Variants in PTPRD observed in about 807,000 individuals in gnomAD.
The protein encoded by PTPRD is receptor-type tyrosine-protein phosphatase delta.
Under a neutral mutation model 214.5 loss-of-function variants are expected in PTPRD, and 34 were observed. The ratio of observed to expected loss-of-function variants is 0.16; its 90% CI spans 0.12 to 0.21. The LOEUF (loss-of-function observed/expected upper bound fraction) is 0.21, where lower values mean the gene tolerates loss of function less well. PTPRD is among the 10% of genes least tolerant of loss of function. The pLI, the probability that PTPRD is intolerant of heterozygous loss-of-function variation, is 1.00. For synonymous variants in PTPRD, 1,128 were observed against 845.7 expected, an observed-to-expected ratio of 1.33 and a Z score of -5.79; for missense variants, 2,545 against 2,398.7, an observed-to-expected ratio of 1.06 and a Z score of -1.27.
chr9:9,055,335 G>C (rs971500189), intron 10 of PTPRD, among the ~76,000 whole-genome samples: 2 of 152,152 alleles, frequency 1.3e-5, no homozygotes, highest in African/African-American at 4.8e-5. Context: ...GTGAGGTAAT[G>C]AATATGTTAA....
chr9:8,521,169 A>G, intron 20 of PTPRD, 108 bp downstream of exon 20: 2 of 1,289,030 alleles, frequency 1.6e-6, no homozygotes, highest in Non-Finnish European at 2.1e-6. Context: ...CACATTTAAA[A>G]TGCTGAATAA....
intron 24 of PTPRD, 123 bp downstream of exon 24, chr9:8,500,630 TA>T: frequency 6.0e-6 from 2 of 335,188 alleles, no homozygotes; most frequent in Non-Finnish European, 8.3e-6. Context: ...GCAAAAATAC[TA>T]AAGTAACAGC....
intron 2 of PTPRD, among the ~76,000 whole-genome samples, chr9:10,528,744 T>C (rs2055136778): frequency 6.6e-6 from 1 of 152,178 alleles, no homozygotes; most frequent in Non-Finnish European, 1.5e-5. Flanking sequence ...CTGAAGGCAG[T>C]TGAGATTTAA....
intron 2 of PTPRD, among the ~76,000 whole-genome samples, chr9:10,499,720 T>G (rs2043096024): frequency 6.6e-6 from 1 of 151,540 alleles, no homozygotes; most frequent in Admixed American, 6.6e-5. Context: ...ATTTGTAGGT[T>G]TCTCCTCTTC....
At chr9:8,864,698 G>C (rs1035129215) in intron 11 of PTPRD, among the ~76,000 whole-genome samples, 4 of 152,162 alleles carry the variant, frequency 2.6e-5, no homozygotes, top group Non-Finnish European at 4.4e-5. Flanking sequence ...ATGACCAGTG[G>C]CAAGTTGGTC....
intron 5 of PTPRD, among the ~76,000 whole-genome samples, chr9:9,881,521 C>T (rs2068681851): frequency 6.6e-6 from 1 of 152,122 alleles, no homozygotes; most frequent in African/African-American, 2.4e-5. Flanking sequence ...AAAATATCAT[C>T]CTACAAGGCT....
rs1368919809 is a variant in PTPRD, at chr9:10,268,321, GATA to G, written c.-545+72639_-545+72641del. Among the ~76,000 whole-genome samples, 19 of 122,966 alleles carry G rather than the reference GATA, an allele frequency of 1.5e-4. No individual in the cohort carries two copies. In the East Asian group the frequency reaches 2.7e-3, roughly 17 times the overall value. 80.7% of individuals were successfully genotyped at this position (122,966 alleles called of 152,430 possible). On this transcript the variant is annotated intron_variant, in intron 3 of 45. Coordinates refer to ENST00000381196, the MANE Select transcript of PTPRD (RefSeq NM_002839.4). ...TAATAATAATAATAATAATAATAAC[GATA>G]ATAATAATAATAGTGGTTATAACAG...
chr9:9,156,122 G>A (rs1198130538), intron 10 of PTPRD, among the ~76,000 whole-genome samples: 3 of 152,136 alleles, frequency 2.0e-5, no homozygotes, highest in Non-Finnish European at 2.9e-5. Context: ...CAGATATACA[G>A]GCACTATGAG....
chr9:8,640,796 C>A (rs2096560088), intron 12 of PTPRD, among the ~76,000 whole-genome samples: 1 of 151,956 alleles, frequency 6.6e-6, no homozygotes, highest in Non-Finnish European at 1.5e-5. Context: ...CCCACAAGAT[C>A]CGAACTACAA....
chr9:10,051,726 C>T (rs1160600183), intron 3 of PTPRD, among the ~76,000 whole-genome samples: 1 of 151,986 alleles, frequency 6.6e-6, no homozygotes, highest in African/African-American at 2.4e-5. Flanking sequence ...ATTGCTTCTT[C>T]TGTGCCAGGC....
intron 11 of PTPRD, among the ~76,000 whole-genome samples, chr9:8,863,061 T>TAAA (rs1273496091): frequency 6.6e-6 from 1 of 151,030 alleles, no homozygotes; most frequent in Non-Finnish European, 1.5e-5. Flanking sequence ...AAACTTAAAG[T>TAAA]ATAATAATAA....
At chr9:9,644,443 T>C (rs2096075534) in intron 7 of PTPRD, among the ~76,000 whole-genome samples, 2 of 152,228 alleles carry the variant, frequency 1.3e-5, no homozygotes, top group African/African-American at 4.8e-5. Context: ...ATCATTATTT[T>C]CAAATTATTT....
chr9:9,364,054 T>A (rs1262963775), intron 9 of PTPRD, among the ~76,000 whole-genome samples: 2 of 151,424 alleles, frequency 1.3e-5, no homozygotes, highest in African/African-American at 4.8e-5. Flanking sequence ...TTTACATATT[T>A]ACATTATCAG....
intron 11 of PTPRD, among the ~76,000 whole-genome samples, chr9:8,875,735 CA>C (rs1270505339): frequency 6.6e-6 from 1 of 152,070 alleles, no homozygotes; most frequent in Non-Finnish European, 1.5e-5. Flanking sequence ...TATAATATTT[CA>C]TGATTTTAGA....
At chr9:9,337,494 T>C (rs1403696838) in intron 9 of PTPRD, among the ~76,000 whole-genome samples, 1 of 152,188 alleles carries the variant, frequency 6.6e-6, no homozygotes, top group East Asian at 1.9e-4. Context: ...AGCCAGGGGA[T>C]GATTTTACTT....
chr9:8,484,564 G>A (rs2096956273), intron 29 of PTPRD, among the ~76,000 whole-genome samples, 186 bp from the exon 30 acceptor site: 1 of 150,632 alleles, frequency 6.6e-6, no homozygotes, highest in Admixed American at 6.6e-5. Context: ...TTCCTACTGT[G>A]TAATGATAAA....
intron 9 of PTPRD, among the ~76,000 whole-genome samples, chr9:9,268,914 A>C (rs1941492872): frequency 6.6e-6 from 1 of 151,138 alleles, no homozygotes; most frequent in Non-Finnish European, 1.5e-5. Context: ...CCAGAAGAAA[A>C]CATAGAAGAA....
At chr9:8,743,114 A>G (rs149163512) in intron 11 of PTPRD, among the ~76,000 whole-genome samples, 79 of 131,994 alleles carry the variant, frequency 6.0e-4, no homozygotes, top group Middle Eastern at 4.3e-3. Flanking sequence ...TAAAAAAAAA[A>G]GGGGGGGGGG....
At chr9:9,902,563 T>TA (rs2076653628) in intron 5 of PTPRD, among the ~76,000 whole-genome samples, 1 of 152,134 alleles carries the variant, frequency 6.6e-6, no homozygotes. Flanking sequence ...TATATTTAAA[T>TA]AAAAAAGAAA....
Sources: gnomAD v4.1 joint callset for allele counts (sites outside exome capture counted in the v4.1 genomes callset) on GRCh38, gnomAD v4.1.1 for gene constraint, MANE v1.5 for transcripts, NCBI Gene and HGNC (gene_info 2026-07-23, HGNC 2026-07-21) for gene names.